Variants in PAX5 observed in about 807,000 individuals in gnomAD.
PAX5 encodes the protein paired box 5.
Under a neutral mutation model 43.7 loss-of-function variants are expected in PAX5, and 9 were observed. The observed-to-expected ratio is 0.21, with a 90% CI of 0.12 to 0.36. The LOEUF (loss-of-function observed/expected upper bound fraction) is 0.36. Ranked by LOEUF, PAX5 falls within the 10% of genes least tolerant of loss-of-function variation. The pLI is 1.00. For synonymous variants in PAX5, 228 were observed against 214.3 expected, an observed-to-expected ratio of 1.06 and a Z score of -0.56; for missense variants, 383 against 532.7, an observed-to-expected ratio of 0.72 and a Z score of 2.77.
At chr9:36,986,848 A>T (rs759953825) in intron 5 of PAX5, among the ~76,000 whole-genome samples, 6 of 151,702 alleles carry the variant, frequency 4.0e-5, no homozygotes, top group Admixed American at 3.3e-4. Flanking sequence ...CCCTTGAGCG[A>T]CTCGCTTCCT....
chr9:36,857,215 T>C lies in PAX5; in HGVS notation c.1013-10286A>G, dbSNP rs56734210. Among the ~76,000 whole-genome samples, 1,514 of 152,302 alleles carry C rather than the reference T, an allele frequency of 9.9e-3. 28 individuals carry two copies. The highest frequency in any genetic ancestry group is 0.035 in the African/African-American group (1,440 of 41,576). On this transcript the variant is annotated intron_variant, in intron 8 of 9. Coordinates refer to ENST00000358127, the MANE Select transcript of PAX5 (RefSeq NM_016734.3). ...GTAGGGCATGGTAGAAAGTAACATCTCTCCCCAAGTTTCTAAAGTTCTTCA... is the reference window on the plus strand; with the variant it reads ...GTAGGGCATGGTAGAAAGTAACATCCCTCCCCAAGTTTCTAAAGTTCTTCA...
chr9:36,929,080 C>T (rs960556801), intron 6 of PAX5, among the ~76,000 whole-genome samples: 1 of 152,156 alleles, frequency 6.6e-6, no homozygotes, highest in African/African-American at 2.4e-5. Flanking sequence ...CCCCTTTTCT[C>T]TATGTAATTT....
intron 9 of PAX5, among the ~76,000 whole-genome samples, chr9:36,846,560 C>T (rs1460729865): frequency 6.6e-6 from 1 of 152,212 alleles, no homozygotes; most frequent in African/African-American, 2.4e-5. Context: ...TCCTACCTTC[C>T]TCTTTCTCCT....
At chr9:36,938,836 G>C (rs1831786152) in intron 6 of PAX5, among the ~76,000 whole-genome samples, 1 of 152,214 alleles carries the variant, frequency 6.6e-6, no homozygotes, top group Non-Finnish European at 1.5e-5. Context: ...CCAGAAGTCA[G>C]TGCCACATAC....
chr9:37,028,055 C>T (rs1170364470), intron 1 of PAX5, among the ~76,000 whole-genome samples: 1 of 152,212 alleles, frequency 6.6e-6, no homozygotes, highest in Non-Finnish European at 1.5e-5. Flanking sequence ...GATCCTGGGA[C>T]GCTCTCAAGG....
intron 8 of PAX5, among the ~76,000 whole-genome samples, chr9:36,863,248 T>C (rs1824405255): frequency 2.0e-5 from 3 of 152,234 alleles, no homozygotes; most frequent in African/African-American, 7.2e-5. Flanking sequence ...GTTCTTTTTT[T>C]CAATCTGTAT....
At position 37,020,757 on chromosome 9, in the gene PAX5, G is replaced by A. The variant is rs764109577; in HGVS notation, c.91C>T (p.Arg31Trp). Reference protein sequence around the residue: ...NQLGGVFVNGRPLPDVVRQRI... With the variant: ...NQLGGVFVNGWPLPDVVRQRI... ...TGGCGGACTACATCCGGGAGTGGCC[G>A]TCCATTCACAAAAACCCCCCCAAGC... The change falls in exon 2 of 10, where the codon CGG becomes TGG. Residue 31 changes from arginine (R) to tryptophan (W), a missense_variant. This residue lies in a region of PAX5 where 54 missense variants were observed against 68.6 expected (regional missense o/e 0.79). Coordinates refer to ENST00000358127, the MANE Select transcript of PAX5 (RefSeq NM_016734.3). 6.2e-7 allele frequency: 1 copy of A among 1,614,008 alleles called. No individual in the cohort carries two copies. The highest frequency in any genetic ancestry group is 8.5e-7 in the Non-Finnish European group (1 of 1,180,004).
chr9:36,840,843 C>G (rs1216102368), intron 9 of PAX5, among the ~76,000 whole-genome samples: 1 of 152,208 alleles, frequency 6.6e-6, no homozygotes, highest in East Asian at 1.9e-4. Flanking sequence ...CCATCTAGAG[C>G]TGGGGTCCGG....
At chr9:36,962,995 T>A (rs1232669517) in intron 6 of PAX5, among the ~76,000 whole-genome samples, 1 of 152,166 alleles carries the variant, frequency 6.6e-6, no homozygotes, top group Non-Finnish European at 1.5e-5. Context: ...TTGACTGACA[T>A]CCCTTCCCAG....
intron 9 of PAX5, among the ~76,000 whole-genome samples, chr9:36,841,653 C>G (rs1822065023): frequency 6.6e-6 from 1 of 152,224 alleles, no homozygotes; most frequent in South Asian, 2.1e-4. Context: ...ATATGTGGCA[C>G]CTGCTTAGCT....
At chr9:36,925,458 A>C (rs1205658553) in intron 6 of PAX5, among the ~76,000 whole-genome samples, 1 of 152,140 alleles carries the variant, frequency 6.6e-6, no homozygotes, top group Non-Finnish European at 1.5e-5. Flanking sequence ...GGGGTAGATA[A>C]ATAGGCCAAT....
chr9:36,846,968 G>A (rs374073997), intron 8 of PAX5, 39 bp from the exon 9 acceptor site: 26 of 1,451,168 alleles, frequency 1.8e-5, no homozygotes, highest in African/African-American at 8.4e-5. Context: ...GGAACCAAAC[G>A]TCAAATCCAG....
chr9:37,000,425 A>G (rs951544258), intron 5 of PAX5, among the ~76,000 whole-genome samples: 2 of 151,848 alleles, frequency 1.3e-5, no homozygotes, highest in Non-Finnish European at 2.9e-5. Flanking sequence ...GAGGATCAGG[A>G]CTCTACCATA....
intron 7 of PAX5, among the ~76,000 whole-genome samples, chr9:36,883,424 G>A (rs1357929535): frequency 6.6e-6 from 1 of 152,208 alleles, no homozygotes; most frequent in Non-Finnish European, 1.5e-5. Context: ...GTTCACGCCT[G>A]TAATCTCAGC....
At chr9:36,980,910 C>T (rs911351385) in intron 5 of PAX5, among the ~76,000 whole-genome samples, 6 of 152,184 alleles carry the variant, frequency 3.9e-5, no homozygotes, top group Non-Finnish European at 8.8e-5. Flanking sequence ...GCTTACTAGG[C>T]TTTACTGGTA....
At position 36,931,850 on chromosome 9, in the gene PAX5, CAAAA is replaced by C. The variant is rs35505557; in HGVS notation, c.781-8370_781-8367del. Among the ~76,000 whole-genome samples the C allele has an allele frequency of 3.4e-4, 41 of 121,270 alleles. 1 individual carries two copies. In the South Asian group the frequency reaches 8.6e-3, roughly 26 times the overall value. The allele number at this position is 121,270 out of a possible 152,430, so 79.6% of individuals were successfully genotyped here. ...TGGGCAACAGAGTGAGACTCTGTCTCAAAAAAAAAAAAAAAAAAATCATAACATA... is the reference window on the plus strand; with the variant it reads ...TGGGCAACAGAGTGAGACTCTGTCTCAAAAAAAAAAAAAAATCATAACATA... On this transcript the variant is annotated intron_variant, in intron 6 of 9. Transcript: ENST00000358127.
intron 1 of PAX5, among the ~76,000 whole-genome samples, chr9:37,033,638 C>G (rs1390154178): frequency 1.3e-5 from 2 of 148,188 alleles, no homozygotes; most frequent in Non-Finnish European, 3.0e-5. Flanking sequence ...AGGCAAACAA[C>G]TTTTGGACAC....
intron 7 of PAX5, among the ~76,000 whole-genome samples, chr9:36,905,551 G>A (rs533310171): frequency 6.6e-6 from 1 of 152,294 alleles, no homozygotes; most frequent in East Asian, 1.9e-4. Flanking sequence ...AGCACCCGAA[G>A]TACAGGAACC....
At chr9:36,952,251 T>C in intron 6 of PAX5, among the ~76,000 whole-genome samples, 1 of 142,470 alleles carries the variant, frequency 7.0e-6, no homozygotes, top group East Asian at 2.0e-4. Flanking sequence ...TTTTTTTTTT[T>C]TTTTTTGAGA....
Sources: allele counts gnomAD v4.1 joint callset (sites outside exome capture counted in the v4.1 genomes callset), GRCh38; gene constraint gnomAD v4.1.1; regional missense constraint gnomAD v4.1.1; transcripts MANE v1.5; gene names NCBI Gene and HGNC (gene_info 2026-07-23, HGNC 2026-07-21).